Variants in ERGIC2 observed in about 807,000 individuals in gnomAD.
The protein encoded by ERGIC2 is endoplasmic reticulum-Golgi intermediate compartment protein 2.
Under a neutral mutation model 52.5 loss-of-function variants are expected in ERGIC2, and 31 were observed. The ratio of observed to expected loss-of-function variants is 0.59; its 90% CI spans 0.44 to 0.80. ERGIC2 has a LOEUF of 0.80. Ranked by LOEUF, ERGIC2 falls within the 30% of genes least tolerant of loss-of-function variation. ERGIC2 has a pLI of 0.00. For synonymous variants in ERGIC2, 129 were observed against 140.6 expected (o/e 0.92, Z 0.58); for missense variants, 395 against 455.2 (o/e 0.87, Z 1.20).
chr12:29,364,514 GA>G (rs759016587), intron 5 of ERGIC2, among the ~76,000 whole-genome samples: 9 of 151,970 alleles, frequency 5.9e-5, no homozygotes, highest in Non-Finnish European at 8.8e-5. Flanking sequence ...AGAAAACCTA[GA>G]AAACACCATT....
intron 9 of ERGIC2, 23 bp from the exon 10 acceptor site, chr12:29,349,200 A>C: frequency 8.7e-7 from 1 of 1,155,718 alleles, no homozygotes; most frequent in Non-Finnish European, 1.3e-6. Context: ...AAATAAAAAC[A>C]ACTTAGCAGA....
chr12:29,341,845 A>C (rs1373334178), intron 12 of ERGIC2, 29 bp from the exon 13 acceptor site: 1 of 1,063,638 alleles, frequency 9.4e-7, no homozygotes, highest in African/African-American at 1.6e-5. Flanking sequence ...TTATGCTTTT[A>C]ATTATTTCCT....
chr12:29,374,023 T>C (rs544676442), intron 1 of ERGIC2, among the ~76,000 whole-genome samples: 2 of 152,314 alleles, frequency 1.3e-5, no homozygotes, highest in East Asian at 3.9e-4. Context: ...ATTAAATATC[T>C]GTATGTCTCT....
chr12:29,346,360 T>C (rs1263427304), intron 10 of ERGIC2, among the ~76,000 whole-genome samples: 1 of 151,812 alleles, frequency 6.6e-6, no homozygotes, highest in Non-Finnish European at 1.5e-5. Flanking sequence ...ACTAAATTTT[T>C]TTCATTTTTA....
chr12:29,361,754 T>C, intron 5 of ERGIC2, 69 bp from the exon 6 acceptor site: 3 of 1,357,982 alleles, frequency 2.2e-6, no homozygotes, highest in Non-Finnish European at 1.0e-6. Flanking sequence ...TAATTTAAAA[T>C]TTTTTCTTTG....
rs12317069 is a variant in ERGIC2 at position 29,342,590 on chromosome 12, C to T, written c.988+530G>A. Among the ~76,000 whole-genome samples the T allele has an allele frequency of 5.3e-3, 805 of 152,170 alleles. 13 individuals are homozygous for T. The highest frequency in any genetic ancestry group is 0.018 in the African/African-American group (768 of 41,534). ...ATTACAATTCGACAAATAATCTTAGCGAATTCCAGGATCTCAGGACAAAAA... is the reference window on the plus strand; with the variant it reads ...ATTACAATTCGACAAATAATCTTAGTGAATTCCAGGATCTCAGGACAAAAA... On this transcript the variant is annotated intron_variant, in intron 12 of 13. Coordinates refer to ENST00000360150, the MANE Select transcript of ERGIC2 (RefSeq NM_016570.3).
intron 8 of ERGIC2, among the ~76,000 whole-genome samples, chr12:29,352,470 C>T (rs559301806): frequency 1.4e-4 from 22 of 152,246 alleles, no homozygotes; most frequent in Admixed American, 2.6e-4. Context: ...CGAGACCAGC[C>T]TGGCCAACAT....
chr12:29,365,746 A>C (rs1192956080), intron 5 of ERGIC2, among the ~76,000 whole-genome samples: 1 of 151,972 alleles, frequency 6.6e-6, no homozygotes, highest in African/African-American at 2.4e-5. Context: ...AAATATTAAA[A>C]TATCTAATAA....
At position 29,350,050 on chromosome 12, in the gene ERGIC2, A is replaced by T. The variant is rs928254533; in HGVS notation, c.591T>A (p.Arg197=). The change falls in exon 9 of 14, where the codon CGT becomes CGA. Residue 197 remains arginine (R), a synonymous_variant. Transcript: ENST00000360150. ...CAAGTGCTGCCAAATGTGCATGACC[A>T]CGAGGATGTGGAATTGCCCTGAAAG... The part of the protein sequence containing the change: ...ITVGKAIPHP[R]GHAHLAALVN... 16 of 1,607,000 alleles carry T rather than the reference A, an allele frequency of 1.0e-5. No individual in the cohort carries two copies. Among genetic ancestry groups the T allele is most frequent in the Middle Eastern group, 1.7e-4 (1 of 5,980 alleles).
rs1949813244 is a variant in ERGIC2, at chr12:29,338,512, T to C, written c.*2644A>G. On this transcript the variant is annotated 3_prime_UTR_variant, in exon 14 of 14. Transcript: ENST00000360150. ...AAAAAGAATTAGCCAGGTTTGTTGG[T>C]GCATGGCTGTAGTCCTACCTACTCA... 6.6e-6 allele frequency: 1 copy of C among 152,116 alleles called. No individual in the cohort carries two copies. The highest frequency in any genetic ancestry group is 2.4e-5 in the African/African-American group (1 of 41,422). 9.4% of individuals were successfully genotyped at this position (152,116 alleles called of 1,614,324 possible). A position where few individuals can be genotyped will look rare whatever the true frequency, so the allele number is the denominator to read the frequency against.
intron 1 of ERGIC2, among the ~76,000 whole-genome samples, chr12:29,374,822 C>G (rs1263914746): frequency 6.6e-6 from 1 of 152,166 alleles, no homozygotes; most frequent in African/African-American, 2.4e-5. Flanking sequence ...ATTGCTTCAA[C>G]AACCTCTAAT....
At position 29,366,873 on chromosome 12, in the gene ERGIC2, T is replaced by C. The variant is rs1313120213; in HGVS notation, c.333+4A>G. 6.3e-7 allele frequency: 1 copy of C among 1,588,634 alleles called. No homozygotes were observed. The highest frequency in any genetic ancestry group is 1.1e-5 in the South Asian group (1 of 88,680). On this transcript the variant is annotated splice_donor_region_variant and intron_variant, in intron 5 of 13. Transcript: ENST00000360150. Reference sequence around the variant, plus strand: ...TTTCAAAAAACCATGTGAATCAAACTTACTGGTTCATAAACTAAACCATCT... The same window carrying C: ...TTTCAAAAAACCATGTGAATCAAACCTACTGGTTCATAAACTAAACCATCT...
intron 6 of ERGIC2, among the ~76,000 whole-genome samples, chr12:29,361,275 T>G (rs1313522485): frequency 6.6e-6 from 1 of 152,056 alleles, no homozygotes; most frequent in East Asian, 1.9e-4. Context: ...TTTACAAATT[T>G]GTGTTAAGCT....
chr12:29,372,297 C>T (rs1428204521), intron 1 of ERGIC2, among the ~76,000 whole-genome samples: 1 of 151,956 alleles, frequency 6.6e-6, no homozygotes, highest in Non-Finnish European at 1.5e-5. Context: ...AAGCCAAGAT[C>T]ATGCCACTGC....
intron 8 of ERGIC2, among the ~76,000 whole-genome samples, chr12:29,352,062 C>T (rs1478612675): frequency 6.6e-6 from 1 of 151,988 alleles, no homozygotes. Flanking sequence ...TTTTTTTTAA[C>T]ATAGTAATAC....
chr12:29,347,031 G>A (rs757538921), intron 10 of ERGIC2, among the ~76,000 whole-genome samples: 3 of 152,050 alleles, frequency 2.0e-5, no homozygotes, highest in Non-Finnish European at 4.4e-5. Flanking sequence ...TCCACTCAAG[G>A]GGAATATGGT....
At chr12:29,377,875 T>C (rs1940535579) in intron 1 of ERGIC2, among the ~76,000 whole-genome samples, 1 of 152,182 alleles carries the variant, frequency 6.6e-6, no homozygotes, top group Admixed American at 6.5e-5. Flanking sequence ...CAAAGAAAAA[T>C]GAAGACAAAA....
chr12:29,356,771 C>A (rs1007041467), intron 7 of ERGIC2, among the ~76,000 whole-genome samples: 7 of 151,802 alleles, frequency 4.6e-5, no homozygotes, highest in Admixed American at 3.9e-4. Context: ...AATAATTAGT[C>A]CAAAAAGACA....
chr12:29,356,057 C>T (rs1940199204), intron 8 of ERGIC2, among the ~76,000 whole-genome samples: 1 of 151,450 alleles, frequency 6.6e-6, no homozygotes, highest in African/African-American at 2.4e-5. Flanking sequence ...GAGTTTTGCT[C>T]ATCGCCCAGG....
Sources: allele counts gnomAD v4.1 joint callset (sites outside exome capture counted in the v4.1 genomes callset), GRCh38; gene constraint gnomAD v4.1.1; transcripts MANE v1.5; gene names NCBI Gene and HGNC (gene_info 2026-07-23, HGNC 2026-07-21).